The following MAPK10 variants were observed in gnomAD, a reference collection of about 807,000 sequenced individuals.
MAPK10 encodes JNK3 alpha protein kinase.
In MAPK10, 25 loss-of-function variants were observed where a neutral mutation model predicts 59.3. The ratio of observed to expected loss-of-function variants is 0.42; its 90% CI spans 0.31 to 0.59. MAPK10 has a LOEUF of 0.59. Ranked by LOEUF, MAPK10 falls within the 20% of genes least tolerant of loss-of-function variation. MAPK10 has a pLI of 0.15. For synonymous variants in MAPK10, 190 were observed against 200.5 expected, an observed-to-expected ratio of 0.95 and a Z score of 0.44; for missense variants, 351 against 568.9, an observed-to-expected ratio of 0.62 and a Z score of 3.90.
At chr4:86,501,127 A>C (rs1564955530) in intron 1 of MAPK10, among the ~76,000 whole-genome samples, 2 of 150,986 alleles carry the variant, frequency 1.3e-5, no homozygotes, top group Non-Finnish European at 3.0e-5. Context: ...AAAAAAAAAA[A>C]AAAAAAAAAA....
At chr4:86,525,164 G>A (rs1039605898) in intron 1 of MAPK10, among the ~76,000 whole-genome samples, 3 of 152,208 alleles carry the variant, frequency 2.0e-5, no homozygotes, top group Non-Finnish European at 2.9e-5. Flanking sequence ...AGGAGTGGTG[G>A]TGCCCTCCTG....
At chr4:86,589,843 G>C (rs1198450558) in intron 1 of MAPK10, among the ~76,000 whole-genome samples, 2 of 151,594 alleles carry the variant, frequency 1.3e-5, no homozygotes, top group Non-Finnish European at 2.9e-5. Context: ...AATTAGCTGG[G>C]CATGGTGGCA....
chr4:86,143,378 T>C (rs902071379), intron 4 of MAPK10, among the ~76,000 whole-genome samples: 1 of 152,170 alleles, frequency 6.6e-6, no homozygotes, highest in African/African-American at 2.4e-5. Flanking sequence ...GCTTTTTTTC[T>C]CTTTCCATAA....
chr4:86,552,623 G>A (rs4478147), intron 1 of MAPK10, among the ~76,000 whole-genome samples: 63,897 of 151,814 alleles, frequency 0.42, 15,729 homozygotes, highest in South Asian at 0.7. Flanking sequence ...TCCTCTGTGG[G>A]TCTCTTGCAT....
intron 9 of MAPK10, among the ~76,000 whole-genome samples, chr4:86,088,684 T>A (rs1410450937): frequency 6.6e-6 from 1 of 152,096 alleles, no homozygotes; most frequent in East Asian, 1.9e-4. Context: ...ATAAGAAAAA[T>A]AATTTTAGAA....
At chr4:86,303,969 C>G (rs2095516167) in intron 2 of MAPK10, among the ~76,000 whole-genome samples, 1 of 152,054 alleles carries the variant, frequency 6.6e-6, no homozygotes, top group Non-Finnish European at 1.5e-5. Flanking sequence ...ATCAACAGTC[C>G]CCACAGGATC....
chr4:86,183,545 G>A (rs1164608240), intron 3 of MAPK10, among the ~76,000 whole-genome samples: 1 of 151,942 alleles, frequency 6.6e-6, no homozygotes, highest in African/African-American at 2.4e-5. Flanking sequence ...ATCATTGTTG[G>A]ACATTTGGGT....
At chr4:86,581,676 TTGTGTGTGTGTG>T (rs56210798) in intron 1 of MAPK10, among the ~76,000 whole-genome samples, 35 of 136,862 alleles carry the variant, frequency 2.6e-4, no homozygotes, top group Admixed American at 1.0e-3. Flanking sequence ...TTTTCAGTTA[TTGTGTGTGTGTG>T]TGTGTGTGTG....
At chr4:86,191,279 C>A (rs1403660415) in intron 3 of MAPK10, among the ~76,000 whole-genome samples, 3 of 151,976 alleles carry the variant, frequency 2.0e-5, no homozygotes, top group Non-Finnish European at 4.4e-5. Flanking sequence ...TCCAGAGCTG[C>A]ATTCAAGTCC....
At chr4:86,544,217 T>C (rs140597058) in intron 1 of MAPK10, among the ~76,000 whole-genome samples, 11 of 152,330 alleles carry the variant, frequency 7.2e-5, no homozygotes, top group African/African-American at 1.9e-4. Context: ...TGGTGCTTAC[T>C]AGTATAATAG....
intron 3 of MAPK10, among the ~76,000 whole-genome samples, chr4:86,191,430 T>C (rs958783784): frequency 6.6e-6 from 1 of 152,128 alleles, no homozygotes; most frequent in Non-Finnish European, 1.5e-5. Flanking sequence ...CAGGTGCTCC[T>C]GTATTGGGTG....
Position 86,097,711 on chromosome 4 carries a change from A to T in MAPK10, c.802+813T>A, listed in dbSNP as rs566196359. Among the ~76,000 whole-genome samples the T allele has an allele frequency of 2.6e-5, 4 of 152,204 alleles. No individual in the cohort carries two copies. The East Asian group carries it at 5.8e-4, about 22-fold the overall frequency. On this transcript the variant is annotated intron_variant, in intron 9 of 13. Transcript: ENST00000641462. ...ATGTAAACTTTATTGTCTATATATT[A>T]CAAACACAAATCTGTACCTTTACTA...
At chr4:86,081,059 T>A (rs948948826) in intron 9 of MAPK10, 1 of 152,034 alleles carries the variant, frequency 6.6e-6, no homozygotes, top group Non-Finnish European at 1.5e-5. Flanking sequence ...GTGTTCATGG[T>A]GCAGAGATAG....
chr4:86,093,873 T>C (rs1198848866), intron 9 of MAPK10, among the ~76,000 whole-genome samples: 1 of 151,808 alleles, frequency 6.6e-6, no homozygotes, highest in Admixed American at 6.6e-5. Flanking sequence ...ATTCAAATAA[T>C]AATTTTATTT....
chr4:86,103,655 G>C (rs2055987196), intron 5 of MAPK10, among the ~76,000 whole-genome samples: 1 of 152,002 alleles, frequency 6.6e-6, no homozygotes, highest in Admixed American at 6.6e-5. Flanking sequence ...GAACAAAGTT[G>C]TGTTCTACTT....
intron 1 of MAPK10, among the ~76,000 whole-genome samples, chr4:86,439,430 TC>T (rs1749158702): frequency 6.6e-6 from 1 of 152,242 alleles, no homozygotes; most frequent in Admixed American, 6.5e-5. Context: ...ATAAGTTCAT[TC>T]CTTTTTATTG....
intron 2 of MAPK10, among the ~76,000 whole-genome samples, chr4:86,262,576 G>C (rs2094040048): frequency 6.6e-6 from 1 of 152,174 alleles, no homozygotes; most frequent in South Asian, 2.1e-4. Context: ...AGTGTGTACT[G>C]AACCTAGTAC....
chr4:86,178,592 G>T (rs1248557883), intron 3 of MAPK10, among the ~76,000 whole-genome samples: 2 of 151,968 alleles, frequency 1.3e-5, no homozygotes, highest in African/African-American at 2.4e-5. Context: ...TACTGAATAG[G>T]GAAAACCTTA....
chr4:86,285,909 C>T (rs893506444), intron 2 of MAPK10, among the ~76,000 whole-genome samples: 2 of 152,124 alleles, frequency 1.3e-5, no homozygotes, highest in Non-Finnish European at 2.9e-5. Context: ...GATGGATATC[C>T]GAGCTCAAAC....
Sources: allele counts gnomAD v4.1 joint callset (sites outside exome capture counted in the v4.1 genomes callset), GRCh38; gene constraint gnomAD v4.1.1; transcripts MANE v1.5; gene names NCBI Gene and HGNC (gene_info 2026-07-23, HGNC 2026-07-21).